BMS1: variants seen among roughly 807,000 people sequenced by gnomAD.
BMS1 encodes the protein ribosome biogenesis protein BMS1 homolog.
A neutral mutation model predicts 138.7 loss-of-function variants in BMS1; 53 were observed. That is an observed-to-expected ratio of 0.38 (90% CI 0.31 to 0.48). The LOEUF (loss-of-function observed/expected upper bound fraction) is 0.48, where lower values mean the gene tolerates loss of function less well. Ranked by LOEUF, BMS1 falls within the 20% of genes least tolerant of loss-of-function variation. The pLI, the probability that BMS1 is intolerant of heterozygous loss-of-function variation, is 0.97. For synonymous variants in BMS1, 504 were observed against 539.9 expected (o/e 0.93, Z 0.92); for missense variants, 1,360 against 1,565.5 (o/e 0.87, Z 2.22).
At chr10:42,797,550 A>C in intron 11 of BMS1, 27 bp downstream of exon 11, 1 of 1,603,484 alleles carries the variant, frequency 6.2e-7, no homozygotes, top group Non-Finnish European at 8.5e-7. Context: ...CAGAACTAGA[A>C]ATGTTTTAGT....
At chr10:42,818,500 T>G (rs184283708) in intron 15 of BMS1, among the ~76,000 whole-genome samples, 41 of 152,088 alleles carry the variant, frequency 2.7e-4, no homozygotes, top group African/African-American at 9.2e-4. Flanking sequence ...CGGATAGACT[T>G]TATTTGGAAG....
rs372935449 is a variant in BMS1, at chr10:42,798,455, G to T, written c.2090-13G>T. The T allele has an allele frequency of 3.9e-5, 63 of 1,614,094 alleles. No homozygotes were observed. Among genetic ancestry groups the T allele is most frequent in the Non-Finnish European group, 4.8e-5 (57 of 1,179,978 alleles). ...TTTTTGTTCTCACTTTTCTGCCATG[G>T]TGTGCTCTTTAGTGACAGAAGATAA... On this transcript the variant is annotated splice_polypyrimidine_tract_variant and intron_variant, in intron 11 of 22. Transcript: ENST00000374518.
At chr10:42,810,396 TGAG>T (rs1478798843) in intron 13 of BMS1, among the ~76,000 whole-genome samples, 3 of 152,184 alleles carry the variant, frequency 2.0e-5, no homozygotes, top group African/African-American at 4.8e-5. Context: ...AGTACTTTGT[TGAG>T]GACTTTTTGC....
At chr10:42,810,106 T>G (rs1842128675) in intron 13 of BMS1, among the ~76,000 whole-genome samples, 1 of 152,140 alleles carries the variant, frequency 6.6e-6, no homozygotes, top group African/African-American at 2.4e-5. Context: ...CTGGCCTGAT[T>G]CATTTTTTGA....
At chr10:42,829,923 C>G (rs1481712099) in intron 21 of BMS1, among the ~76,000 whole-genome samples, 3 of 152,186 alleles carry the variant, frequency 2.0e-5, no homozygotes, top group East Asian at 3.8e-4. Flanking sequence ...CTCAGTGGCC[C>G]AAAGACAAGG....
rs1842801347 is a variant in BMS1, at chr10:42,831,654, C to T, written c.*558C>T. 1.3e-5 allele frequency: 2 copies of T among 154,400 alleles called. No homozygotes were observed. Among genetic ancestry groups the T allele is most frequent in the African/African-American group, 4.8e-5 (2 of 41,426 alleles). The allele number at this position is 154,400 out of a possible 1,614,324, so 9.6% of individuals were successfully genotyped here. ...CTATGGGCTCCTTTGATCACTGGCC[C>T]TTGTGGACATTTTCTATCTTATTTC... On this transcript the variant is annotated 3_prime_UTR_variant, in exon 23 of 23. Coordinates refer to ENST00000374518, the MANE Select transcript of BMS1 (RefSeq NM_014753.4).
rs1292487994 is a variant in BMS1 at position 42,834,640 on chromosome 10, G to C, written c.*3544G>C. On this transcript the variant is annotated 3_prime_UTR_variant, in exon 23 of 23. Coordinates refer to ENST00000374518, the MANE Select transcript of BMS1 (RefSeq NM_014753.4). ...AAATGCCAAAGGTGTTTTATTATGA[G>C]ACTTAGCATTTCATATTTGGGGATG... The C allele has an allele frequency of 6.6e-6, 1 of 152,174 alleles. No individual in the cohort carries two copies. Among genetic ancestry groups the C allele is most frequent in the Non-Finnish European group, 1.5e-5 (1 of 68,042 alleles). 9.4% of individuals were successfully genotyped at this position (152,174 alleles called of 1,614,324 possible). A position where few individuals can be genotyped will look rare whatever the true frequency, so the allele number is the denominator to read the frequency against.
intron 21 of BMS1, among the ~76,000 whole-genome samples, chr10:42,827,542 G>T (rs1174295118): frequency 1.3e-5 from 2 of 152,188 alleles, no homozygotes; most frequent in Non-Finnish European, 2.9e-5. Context: ...GTCCATGGGG[G>T]TGGGGCACAA....
chr10:42,804,209 A>G (rs1410785070), intron 13 of BMS1, among the ~76,000 whole-genome samples: 2 of 152,206 alleles, frequency 1.3e-5, no homozygotes, highest in African/African-American at 4.8e-5. Flanking sequence ...AGAAGTCTTT[A>G]TGTGAACCAC....
rs148003235 is a variant in BMS1, at chr10:42,785,722, A to G, written c.367+50A>G. 12 of 1,572,662 alleles carry G rather than the reference A, an allele frequency of 7.6e-6. No individual in the cohort carries two copies. The African/African-American group carries it at 8.1e-5, about 11-fold the overall frequency. On this transcript the variant is annotated intron_variant, in intron 3 of 22. Coordinates refer to ENST00000374518, the MANE Select transcript of BMS1 (RefSeq NM_014753.4). ...GAGTTGGCGTGGCTGTTGTCATCTG[A>G]GGGACATGCATGCGTTTGTTGTTTT...
intron 13 of BMS1, among the ~76,000 whole-genome samples, chr10:42,813,969 G>C (rs1175667343): frequency 1.3e-5 from 2 of 152,112 alleles, no homozygotes; most frequent in Non-Finnish European, 2.9e-5. Flanking sequence ...TTAAGCACTT[G>C]AAAATGTTGT....
At chr10:42,825,552 C>T (rs563860113) in intron 21 of BMS1, among the ~76,000 whole-genome samples, 70 of 152,248 alleles carry the variant, frequency 4.6e-4, no homozygotes, top group African/African-American at 1.6e-3. Context: ...TTTTTCTTTG[C>T]TGCTATTGTA....
At chr10:42,818,813 G>A (rs1588750099) in intron 15 of BMS1, among the ~76,000 whole-genome samples, 1 of 152,292 alleles carries the variant, frequency 6.6e-6, no homozygotes, top group Middle Eastern at 3.4e-3. Flanking sequence ...AGACTGGCAT[G>A]GGCGAGATGG....
At chr10:42,793,800 C>G in intron 8 of BMS1, 52 bp from the exon 9 acceptor site, 1 of 1,572,112 alleles carries the variant, frequency 6.4e-7, no homozygotes, top group Non-Finnish European at 8.6e-7. Context: ...GCTCGTGTCT[C>G]TCCAGGATCT....
At chr10:42,824,613 A>G (rs2132388115) in intron 21 of BMS1, among the ~76,000 whole-genome samples, 1 of 152,228 alleles carries the variant, frequency 6.6e-6, no homozygotes, top group Middle Eastern at 3.4e-3. Flanking sequence ...TTATGGTTTC[A>G]GGTCTTATTT....
At chr10:42,797,315 T>C in intron 10 of BMS1, 84 bp downstream of exon 10, 4 of 1,577,048 alleles carry the variant, frequency 2.5e-6, no homozygotes, top group Non-Finnish European at 3.5e-6. Context: ...AGGGGTCTGT[T>C]GATTCTGTGA....
At chr10:42,829,142 C>T (rs1398481819) in intron 21 of BMS1, among the ~76,000 whole-genome samples, 1 of 152,126 alleles carries the variant, frequency 6.6e-6, no homozygotes, top group African/African-American at 2.4e-5. Context: ...CATCCTCCGT[C>T]TCCACTAAAA....
rs1383873704 is a variant in BMS1 at position 42,785,496 on chromosome 10, A to C, written c.191A>C (p.Lys64Thr). ...TTAATGAATAGGACTCAGGATTTGA[A>C]GACAAAAAAGCATCATATTCCAGTG... is the stretch of plus-strand genomic sequence containing the variant. ...ARSFHRTQDL[K>T]TKKHHIPVVD... Residue 64 changes from lysine (K) to threonine (T), a missense_variant, in exon 3 of 23, where the codon AAG becomes ACG. Lys to Thr is a moderately conservative substitution (Grantham distance 78). This residue lies in a region of BMS1 where 238 missense variants were observed against 311.1 expected (regional missense o/e 0.77). Transcript: ENST00000374518. 1 of 1,607,222 alleles carries C rather than the reference A, an allele frequency of 6.2e-7. No individual in the cohort carries two copies. Among genetic ancestry groups the C allele is most frequent in the South Asian group, 1.1e-5 (1 of 89,988 alleles).
rs371559300 is a variant in BMS1 at position 42,797,484 on chromosome 10, C to G, written c.2050C>G (p.Gln684Glu). 5.5e-5 allele frequency: 88 copies of G among 1,614,056 alleles called. No individual in the cohort carries two copies. Among genetic ancestry groups the G allele is most frequent in the Non-Finnish European group, 7.3e-5 (86 of 1,180,036 alleles). ...AGCTGAGGCCTTTCTGAGGCAGCAG[C>G]AAGCAGCTCCAAACCTCCGAAAGCT... ...KAAEAFLRQQ[Q>E]AAPNLRKLIY... The change falls in exon 11 of 23, where the codon CAA (glutamine) becomes GAA (glutamate). Residue 684 changes from glutamine to glutamate, a missense_variant. Gln to Glu is a conservative substitution (Grantham distance 29, BLOSUM62 2). This residue lies in a region of BMS1 where 697 missense variants were observed against 686.2 expected (regional missense o/e 1.02). Coordinates refer to ENST00000374518, the MANE Select transcript of BMS1 (RefSeq NM_014753.4).
Sources: allele counts gnomAD v4.1 joint callset (sites outside exome capture counted in the v4.1 genomes callset), GRCh38; gene constraint gnomAD v4.1.1; regional missense constraint gnomAD v4.1.1; transcripts MANE v1.5; gene names NCBI Gene and HGNC (gene_info 2026-07-23, HGNC 2026-07-21).